SCARB1: variants seen among roughly 807,000 people sequenced by gnomAD.
The protein encoded by SCARB1 is scavenger receptor class B member 1, also known as CD36 and LIMPII analogous 1.
A neutral mutation model predicts 57.2 loss-of-function variants in SCARB1; 30 were observed. That is an observed-to-expected ratio of 0.52 (90% CI 0.39 to 0.71). SCARB1 has a LOEUF of 0.71. Ranked by LOEUF, SCARB1 falls within the 30% of genes least tolerant of loss-of-function variation. The probability of loss-of-function intolerance (pLI) is 0.00; values close to 1 mark genes in which losing one functional copy is unlikely to be tolerated. For missense variants in SCARB1, 543 were observed against 671.2 expected (o/e 0.81, Z 2.11); for synonymous variants, 249 against 268.3 (o/e 0.93, Z 0.70).
At chr12:124,845,139 G>A (rs1952089067) in intron 1 of SCARB1, among the ~76,000 whole-genome samples, 1 of 152,152 alleles carries the variant, frequency 6.6e-6, no homozygotes. Flanking sequence ...GGGCATAAAA[G>A]GAGACCACTG....
intron 1 of SCARB1, among the ~76,000 whole-genome samples, chr12:124,852,246 A>C (rs1183345411): frequency 1.3e-5 from 2 of 152,190 alleles, no homozygotes; most frequent in Non-Finnish European, 2.9e-5. Context: ...GGTCAATCAA[A>C]AGCCACCAAA....
chr12:124,823,208 A>C (rs1445451693), intron 1 of SCARB1, among the ~76,000 whole-genome samples: 3 of 152,192 alleles, frequency 2.0e-5, no homozygotes, highest in Admixed American at 2.0e-4. Flanking sequence ...TGAAAAATGT[A>C]TGGTGTTATT....
rs897688094 is a variant in SCARB1 at position 124,837,183 on chromosome 12, C to T, written c.127-19476G>A. On this transcript the variant is annotated intron_variant, in intron 1 of 12. Coordinates refer to ENST00000261693, the MANE Select transcript of SCARB1 (RefSeq NM_005505.5). ...TTGCTTTTTTGGACAAAAACAATTTCTACCAGGGCTGATCCCAGCCCCACT... is the reference window on the plus strand; with the variant it reads ...TTGCTTTTTTGGACAAAAACAATTTTTACCAGGGCTGATCCCAGCCCCACT... 1.3e-4 allele frequency among the ~76,000 whole-genome samples: 20 copies of T among 152,204 alleles called. No individual in the cohort carries two copies. The East Asian group carries it at 3.9e-3, about 29-fold the overall frequency.
rs1594236484 is a variant in SCARB1 at position 124,802,079 on chromosome 12, G to A, written c.1010-1837C>T. On this transcript the variant is annotated intron_variant, in intron 7 of 12. Transcript: ENST00000261693. ...GCAGGAGAATCGCTTGAACCCAAGA[G>A]GCAGAAGTTGTGGTGAGCCAAGATT... 2.7e-5 allele frequency among the ~76,000 whole-genome samples: 4 copies of A among 147,230 alleles called. No homozygotes were observed. The South Asian group carries it at 8.6e-4, about 32-fold the overall frequency.
intron 8 of SCARB1, among the ~76,000 whole-genome samples, chr12:124,797,530 T>C (rs1289179254): frequency 2.6e-5 from 4 of 152,224 alleles, no homozygotes; most frequent in African/African-American, 9.6e-5. Flanking sequence ...GGAGGTAGAA[T>C]TGGACGCAGC....
At position 124,796,112 on chromosome 12, in the gene SCARB1, C is replaced by T. The variant is rs1244555650; in HGVS notation, c.1129-844G>A. ...GGGACTACAGGTGTGCGCCAGCACA[C>T]TCGGCTAATTTTTGTATTTTTAGTA... is the stretch of plus-strand genomic sequence containing the variant. On this transcript the variant is annotated intron_variant, in intron 8 of 12. Coordinates refer to ENST00000261693, the MANE Select transcript of SCARB1 (RefSeq NM_005505.5). The surrounding 1 kb of genome is among the most constrained non-coding windows in gnomAD (Gnocchi z 4.0). Among the ~76,000 whole-genome samples the T allele has an allele frequency of 6.6e-6, 1 of 152,230 alleles. No individual in the cohort carries two copies. The highest frequency in any genetic ancestry group is 1.5e-5 in the Non-Finnish European group (1 of 68,038).
intron 1 of SCARB1, among the ~76,000 whole-genome samples, chr12:124,850,341 C>T (rs112126161): frequency 0.03 from 4,515 of 152,166 alleles, 117 homozygotes; most frequent in Non-Finnish European, 0.049. Context: ...CCACTGCACT[C>T]CAGCCCGGGC....
chr12:124,862,746 T>A (rs1952949903), intron 1 of SCARB1, among the ~76,000 whole-genome samples: 2 of 136,686 alleles, frequency 1.5e-5, no homozygotes, highest in South Asian at 4.9e-4. Context: ...TACTCTGCAA[T>A]CTCCCAGCCC....
intron 1 of SCARB1, among the ~76,000 whole-genome samples, chr12:124,854,793 C>A (rs189576266): frequency 6.6e-6 from 1 of 151,936 alleles, no homozygotes; most frequent in African/African-American, 2.4e-5. Flanking sequence ...CAGGTGTGGC[C>A]GAGGGTGATG....
intron 1 of SCARB1, among the ~76,000 whole-genome samples, chr12:124,828,426 AT>A (rs1206424485): frequency 2.0e-5 from 3 of 152,134 alleles, no homozygotes; most frequent in African/African-American, 7.2e-5. Flanking sequence ...CCCATGCTAG[AT>A]GCTATGCTAG....
chr12:124,780,164 C>T (rs1047650975), intron 12 of SCARB1, among the ~76,000 whole-genome samples: 44 of 152,212 alleles, frequency 2.9e-4, no homozygotes, highest in Admixed American at 1.7e-3. Context: ...ATGGACTTGG[C>T]GTGGAAGAAA....
At chr12:124,795,293 G>A in intron 8 of SCARB1, 25 bp from the exon 9 acceptor site, 8 of 1,599,648 alleles carry the variant, frequency 5.0e-6, no homozygotes, top group Non-Finnish European at 5.1e-6. Flanking sequence ...ACAGTGAGGA[G>A]ACTGGCCACC....
intron 9 of SCARB1, among the ~76,000 whole-genome samples, chr12:124,793,233 T>C (rs892787804): frequency 2.6e-5 from 4 of 152,182 alleles, no homozygotes; most frequent in Non-Finnish European, 5.9e-5. Flanking sequence ...CAGGGATTTT[T>C]CTAAGAGAAT....
At chr12:124,856,749 G>T (rs142914611) in intron 1 of SCARB1, among the ~76,000 whole-genome samples, 1 of 152,212 alleles carries the variant, frequency 6.6e-6, no homozygotes, top group Non-Finnish European at 1.5e-5. Flanking sequence ...TCCCCCCCAG[G>T]TTCCGCAGGG....
At chr12:124,786,142 A>T (rs1394557008) in intron 11 of SCARB1, 6 of 1,541,936 alleles carry the variant, frequency 3.9e-6, no homozygotes, top group Non-Finnish European at 2.6e-6. Context: ...CAGGCCTTCC[A>T]GAACAGGCAG....
chr12:124,861,544 A>G (rs1032415067), intron 1 of SCARB1, among the ~76,000 whole-genome samples: 5 of 152,194 alleles, frequency 3.3e-5, no homozygotes, highest in Admixed American at 6.5e-5. Flanking sequence ...AGCCAAAGAA[A>G]ACACCAGCGG....
chr12:124,790,599 G>A (rs372687049), intron 9 of SCARB1, among the ~76,000 whole-genome samples: 53 of 152,324 alleles, frequency 3.5e-4, no homozygotes, highest in African/African-American at 1.3e-3. Context: ...AGTGAGCCAT[G>A]ACATTTGTGG....
chr12:124,778,608 G>A, intron 12 of SCARB1, 22 bp from the exon 13 acceptor site: 1 of 1,414,982 alleles, frequency 7.1e-7, no homozygotes, highest in South Asian at 1.6e-5. Flanking sequence ...GGCAAAGCTG[G>A]GTGACCACCC....
At chr12:124,838,875 A>T (rs552193951) in intron 1 of SCARB1, among the ~76,000 whole-genome samples, 2 of 143,020 alleles carry the variant, frequency 1.4e-5, no homozygotes, top group East Asian at 4.2e-4. Flanking sequence ...TCCCAGGTTC[A>T]AGAAATTCTC....
Sources: gnomAD v4.1 joint callset for allele counts (sites outside exome capture counted in the v4.1 genomes callset) on GRCh38, gnomAD v4.1.1 for gene constraint, Gnocchi (gnomAD v3.1) non-coding constraint, MANE v1.5 for transcripts, NCBI Gene and HGNC (gene_info 2026-07-23, HGNC 2026-07-21) for gene names.